CDC42BPA: variants seen among roughly 807,000 people sequenced by gnomAD.
CDC42BPA encodes the protein serine/threonine-protein kinase MRCK alpha.
A neutral mutation model predicts 223.5 loss-of-function variants in CDC42BPA; 80 were observed. The observed-to-expected ratio is 0.36, with a 90% confidence interval of 0.30 to 0.43. The LOEUF (loss-of-function observed/expected upper bound fraction) is 0.43. CDC42BPA is among the 20% of genes least tolerant of loss of function. The pLI is 1.00. For synonymous variants in CDC42BPA, 694 were observed against 718.6 expected, an observed-to-expected ratio of 0.97 and a Z score of 0.55; for missense variants, 1,743 against 2,099.9, an observed-to-expected ratio of 0.83 and a Z score of 3.32.
At chr1:227,241,026 A>G (rs776404591) in intron 2 of CDC42BPA, among the ~76,000 whole-genome samples, 5 of 152,100 alleles carry the variant, frequency 3.3e-5, no homozygotes, top group African/African-American at 7.2e-5. Context: ...AAACATTTCA[A>G]TTTCTAAAGA....
chr1:227,196,208 G>A (rs959264822), intron 4 of CDC42BPA, among the ~76,000 whole-genome samples: 5 of 151,866 alleles, frequency 3.3e-5, no homozygotes, highest in Non-Finnish European at 1.5e-5. Context: ...TATAATTCTA[G>A]AAGTCTTCGT....
intron 1 of CDC42BPA, among the ~76,000 whole-genome samples, chr1:227,288,695 CA>C (rs60148126): frequency 1.3e-5 from 2 of 149,254 alleles, no homozygotes; most frequent in African/African-American, 4.9e-5. Context: ...GACTCGGTCT[CA>C]AAAAAAAAAT....
At chr1:227,168,901 C>G (rs1665620336) in intron 5 of CDC42BPA, among the ~76,000 whole-genome samples, 1 of 152,052 alleles carries the variant, frequency 6.6e-6, no homozygotes, top group African/African-American at 2.4e-5. Flanking sequence ...TCTTTCCTCT[C>G]CTTCTTGATC....
chr1:227,136,440 G>A (rs1658587165), intron 10 of CDC42BPA, among the ~76,000 whole-genome samples: 2 of 152,190 alleles, frequency 1.3e-5, no homozygotes, highest in African/African-American at 2.4e-5. Flanking sequence ...CCCAGAAGGA[G>A]AGGAGAAAGT....
chr1:227,125,203 G>GAA (rs34748267), intron 11 of CDC42BPA, among the ~76,000 whole-genome samples: 4,025 of 147,836 alleles, frequency 0.027, 71 homozygotes, highest in South Asian at 0.05. Flanking sequence ...AAACATCACA[G>GAA]AAAAAAAAAA....
At chr1:227,158,271 C>A (rs1412065203) in intron 6 of CDC42BPA, among the ~76,000 whole-genome samples, 2 of 152,076 alleles carry the variant, frequency 1.3e-5, no homozygotes, top group African/African-American at 4.8e-5. Context: ...ATGATCACTT[C>A]TTTAATTCTC....
At chr1:227,116,361 T>C (rs9426606) in intron 12 of CDC42BPA, among the ~76,000 whole-genome samples, 43,147 of 152,080 alleles carry the variant, frequency 0.28, 6,341 homozygotes, top group African/African-American at 0.35. Flanking sequence ...AAAGTCAGTA[T>C]CCATTCTAAA....
At chr1:227,298,496 G>A (rs1572939794) in intron 1 of CDC42BPA, among the ~76,000 whole-genome samples, 1 of 152,078 alleles carries the variant, frequency 6.6e-6, no homozygotes, top group East Asian at 1.9e-4. Flanking sequence ...AGGAGGGCAT[G>A]GAAATCCTCC....
At chr1:227,048,902 T>C (rs1236170653) in intron 22 of CDC42BPA, among the ~76,000 whole-genome samples, 1 of 151,936 alleles carries the variant, frequency 6.6e-6, no homozygotes, top group Non-Finnish European at 1.5e-5. Flanking sequence ...GCTGTTATTA[T>C]ACAACCTCAT....
chr1:227,089,132 C>T (rs565228975), intron 16 of CDC42BPA, among the ~76,000 whole-genome samples: 4 of 152,196 alleles, frequency 2.6e-5, no homozygotes, highest in Admixed American at 6.5e-5. Flanking sequence ...AATTTAAAAA[C>T]GTGAAAATCT....
At chr1:227,300,572 A>G (rs895452325) in intron 1 of CDC42BPA, among the ~76,000 whole-genome samples, 6 of 152,340 alleles carry the variant, frequency 3.9e-5, no homozygotes, top group Middle Eastern at 3.4e-3. Context: ...TAACTCAGGA[A>G]TGGAAAACCA....
At chr1:227,293,759 C>T (rs1160502061) in intron 1 of CDC42BPA, among the ~76,000 whole-genome samples, 5 of 151,914 alleles carry the variant, frequency 3.3e-5, no homozygotes, top group African/African-American at 1.2e-4. Flanking sequence ...TGCAGTGAGC[C>T]GAGATGGCGC....
At chr1:227,162,864 A>ATGTGTGTGTG (rs1261183207) in intron 5 of CDC42BPA, among the ~76,000 whole-genome samples, 99 of 26,170 alleles carry the variant, frequency 3.8e-3, no homozygotes, top group Middle Eastern at 0.021. Context: ...TAAAATAAAT[A>ATGTGTGTGTG]TATATGTGTG....
chr1:227,136,500 A>C (rs1658599781), intron 10 of CDC42BPA, among the ~76,000 whole-genome samples: 2 of 152,238 alleles, frequency 1.3e-5, no homozygotes, highest in South Asian at 4.1e-4. Flanking sequence ...AATTTTGCAA[A>C]ACTGATAAAA....
chr1:227,038,274 C>T (rs1475459009), intron 24 of CDC42BPA, among the ~76,000 whole-genome samples: 1 of 152,180 alleles, frequency 6.6e-6, no homozygotes, highest in Non-Finnish European at 1.5e-5. Context: ...TCACCTTCCA[C>T]CATGATTGTG....
At chr1:227,063,820 T>C (rs575056938) in intron 21 of CDC42BPA, among the ~76,000 whole-genome samples, 1 of 152,344 alleles carries the variant, frequency 6.6e-6, no homozygotes, top group South Asian at 2.1e-4. Flanking sequence ...GCTGAAACTA[T>C]GCTGCCAAGC....
intron 3 of CDC42BPA, among the ~76,000 whole-genome samples, chr1:227,212,682 C>T (rs1558777872): frequency 1.3e-5 from 2 of 152,136 alleles, no homozygotes; most frequent in Non-Finnish European, 2.9e-5. Flanking sequence ...TACTACAACT[C>T]CTGTAATATA....
intron 2 of CDC42BPA, among the ~76,000 whole-genome samples, chr1:227,246,756 A>T (rs553775896): frequency 1.3e-5 from 2 of 152,180 alleles, no homozygotes; most frequent in South Asian, 2.1e-4. Context: ...TCTACAATAA[A>T]TACCTAACTC....
chr1:227,069,552 A>C (rs1018769733), intron 21 of CDC42BPA: 6 of 341,218 alleles, frequency 1.8e-5, no homozygotes, highest in African/African-American at 1.1e-4. Context: ...TCTTATAATG[A>C]CTCTCATGAT....
Sources: gnomAD v4.1 joint callset for allele counts (sites outside exome capture counted in the v4.1 genomes callset) on GRCh38, gnomAD v4.1.1 for gene constraint, MANE v1.5 for transcripts, NCBI Gene and HGNC (gene_info 2026-07-23, HGNC 2026-07-21) for gene names.